RBFOX1: variants seen among roughly 807,000 people sequenced by gnomAD.
The protein encoded by RBFOX1 is RNA binding protein fox-1 homolog 1.
A neutral mutation model predicts 57.7 loss-of-function variants in RBFOX1; 8 were observed. The ratio of observed to expected loss-of-function variants is 0.14; its 90% CI spans 0.08 to 0.25. The LOEUF is 0.25. RBFOX1 is among the 10% of genes least tolerant of loss of function. The pLI is 1.00. For missense variants in RBFOX1, 611 were observed against 548.5 expected (o/e 1.11, Z -1.14); for synonymous variants, 326 against 222.4 (o/e 1.47, Z -4.15).
At chr16:6,689,080 C>G (rs997364945) in intron 3 of RBFOX1, among the ~76,000 whole-genome samples, 1 of 152,100 alleles carries the variant, frequency 6.6e-6, no homozygotes, top group Non-Finnish European at 1.5e-5. Context: ...CTATTATGAA[C>G]AGTGCTGCAA....
intron 4 of RBFOX1, among the ~76,000 whole-genome samples, chr16:7,172,734 G>A (rs1435881092): frequency 1.3e-5 from 2 of 152,162 alleles, no homozygotes; most frequent in African/African-American, 4.8e-5. Flanking sequence ...ACCTACATGG[G>A]GGCTCAGGTG....
At chr16:5,966,262 C>G (rs1169326019) in intron 4 of RBFOX1, among the ~76,000 whole-genome samples, 1 of 152,080 alleles carries the variant, frequency 6.6e-6, no homozygotes, top group African/African-American at 2.4e-5. Flanking sequence ...AAAGAAATAC[C>G]TGAGACTGGG....
chr16:6,390,661 C>G (rs1173069732), intron 2 of RBFOX1, among the ~76,000 whole-genome samples: 1 of 151,322 alleles, frequency 6.6e-6, no homozygotes, highest in African/African-American at 2.5e-5. Flanking sequence ...CTAGGTGAGT[C>G]TCTAAGCTTA....
chr16:6,729,926 G>A (rs925561839), intron 3 of RBFOX1, among the ~76,000 whole-genome samples: 1 of 152,034 alleles, frequency 6.6e-6, no homozygotes. Flanking sequence ...CAGGATGCCC[G>A]ACTCCGAGAA....
In RBFOX1 at chr16:5,504,079, A is replaced by T. The variant is rs1037722673; in HGVS notation, c.258+36825A>T. ...TCCTGGCATCTGGAGCAGCATCTCCAGAGGGCGATGGCTGGGGGCGGAGGG... is the reference window on the plus strand; with the variant it reads ...TCCTGGCATCTGGAGCAGCATCTCCTGAGGGCGATGGCTGGGGGCGGAGGG... On this transcript the variant is annotated intron_variant, in intron 2 of 2. Coordinates refer to the RBFOX1 transcript ENST00000585867. 7.1e-4 allele frequency among the ~76,000 whole-genome samples: 108 copies of T among 152,316 alleles called. 1 individual carries two copies. The highest frequency in any genetic ancestry group is 2.5e-3 in the African/African-American group (104 of 41,572).
intron 4 of RBFOX1, among the ~76,000 whole-genome samples, chr16:5,967,351 T>C (rs977006940): frequency 2.0e-5 from 3 of 152,228 alleles, no homozygotes; most frequent in African/African-American, 7.2e-5. Flanking sequence ...AAGACTTAGT[T>C]CTTCTTGATA....
intron 1 of RBFOX1, among the ~76,000 whole-genome samples, chr16:6,056,411 C>G (rs914156132): frequency 6.6e-6 from 1 of 152,158 alleles, no homozygotes; most frequent in Non-Finnish European, 1.5e-5. Flanking sequence ...CTCATTCTGT[C>G]TCCTCCCTTT....
chr16:5,287,228 C>T (rs1429360454), intron 1 of RBFOX1, among the ~76,000 whole-genome samples: 2 of 151,894 alleles, frequency 1.3e-5, no homozygotes, highest in East Asian at 1.9e-4. Context: ...CACTTGAGCC[C>T]AGGATTTTGC....
intron 14 of RBFOX1, among the ~76,000 whole-genome samples, chr16:7,704,161 G>T (rs1360311962): frequency 6.6e-6 from 1 of 152,136 alleles, no homozygotes; most frequent in Non-Finnish European, 1.5e-5. Context: ...CTCAAACCTG[G>T]ATCTTTTTGC....
intron 3 of RBFOX1, among the ~76,000 whole-genome samples, chr16:6,672,260 C>T (rs1257577153): frequency 6.6e-6 from 1 of 151,902 alleles, no homozygotes; most frequent in Non-Finnish European, 1.5e-5. Context: ...GCTTAGAGTC[C>T]ATTGGAGAAA....
chr16:7,498,630 G>A (rs893524476), intron 4 of RBFOX1, among the ~76,000 whole-genome samples: 2 of 152,154 alleles, frequency 1.3e-5, no homozygotes, highest in Admixed American at 1.3e-4. Context: ...GAGATATGTT[G>A]CATTCTTTCT....
At chr16:6,571,589 C>A (rs376139877) in intron 2 of RBFOX1, among the ~76,000 whole-genome samples, 2 of 152,074 alleles carry the variant, frequency 1.3e-5, no homozygotes, top group Non-Finnish European at 2.9e-5. Context: ...GGACCTGTTG[C>A]TTGCCTGTTT....
chr16:6,658,706 A>T (rs2098678716), intron 3 of RBFOX1, among the ~76,000 whole-genome samples: 1 of 152,060 alleles, frequency 6.6e-6, no homozygotes, highest in South Asian at 2.1e-4. Flanking sequence ...CTGGCTGTTT[A>T]TGGGGAAATT....
At chr16:7,454,433 T>G (rs2058066891) in intron 4 of RBFOX1, among the ~76,000 whole-genome samples, 1 of 152,222 alleles carries the variant, frequency 6.6e-6, no homozygotes, top group South Asian at 2.1e-4. Flanking sequence ...CAAACTCGTG[T>G]TCTAGCCCTG....
At chr16:7,710,588 G>A (rs2083865368) in intron 15 of RBFOX1, 35 bp from the exon 16 acceptor site, 8 of 1,609,420 alleles carry the variant, frequency 5.0e-6, no homozygotes, top group Middle Eastern at 1.7e-4. Context: ...AAAGGAAAAT[G>A]TAAAAAACAC....
At chr16:7,595,847 G>A (rs1243621629) in intron 8 of RBFOX1, among the ~76,000 whole-genome samples, 16 of 148,944 alleles carry the variant, frequency 1.1e-4, no homozygotes, top group Admixed American at 8.0e-4. Flanking sequence ...CTCTTATACC[G>A]CTGAAAGGTG....
chr16:7,664,896 T>C (rs1281280003), intron 12 of RBFOX1, 33 bp from the exon 13 acceptor site: 1 of 1,613,886 alleles, frequency 6.2e-7, no homozygotes, highest in Non-Finnish European at 8.5e-7. Flanking sequence ...TGCACTAATA[T>C]GGATGTTTCT....
At chr16:7,441,611 C>T (rs1179664744) in intron 4 of RBFOX1, among the ~76,000 whole-genome samples, 2 of 152,160 alleles carry the variant, frequency 1.3e-5, no homozygotes, top group African/African-American at 4.8e-5. Context: ...TTTTTTCCCC[C>T]CTGTTATTAG....
At chr16:7,565,540 C>T (rs1191542553) in intron 5 of RBFOX1, among the ~76,000 whole-genome samples, 1 of 152,132 alleles carries the variant, frequency 6.6e-6, no homozygotes, top group Non-Finnish European at 1.5e-5. Flanking sequence ...TCACTCGGCG[C>T]CCAGCATTAC....
Sources: allele counts gnomAD v4.1 joint callset (sites outside exome capture counted in the v4.1 genomes callset), GRCh38; gene constraint gnomAD v4.1.1; transcripts MANE v1.5; gene names NCBI Gene and HGNC (gene_info 2026-07-23, HGNC 2026-07-21).